The following OPRM1 variants were observed in gnomAD, a reference collection of about 807,000 sequenced individuals.
OPRM1 encodes mu-type opioid receptor.
A neutral mutation model predicts 31.8 loss-of-function variants in OPRM1; 27 were observed. The observed-to-expected ratio is 0.85, with a 90% CI of 0.63 to 1.17. The LOEUF is 1.17. Among genes scored for constraint, OPRM1 ranks in the 50% most tolerant of loss-of-function variants. OPRM1 has a pLI of 0.00. For synonymous variants in OPRM1, 196 were observed against 189.9 expected, an observed-to-expected ratio of 1.03 and a Z score of -0.26; for missense variants, 536 against 511.1, an observed-to-expected ratio of 1.05 and a Z score of -0.47.
At chr6:154,038,570 C>G (rs538623289), upstream of OPRM1, among the ~76,000 whole-genome samples, 1 of 152,080 alleles carries the variant, frequency 6.6e-6, no homozygotes, top group Non-Finnish European at 1.5e-5. Context: ...ATATGTCTAT[C>G]GAGGAAGTCT....
chr6:154,087,645 T>A (rs552328369), intron 1 of OPRM1: 6 of 959,518 alleles, frequency 6.3e-6, no homozygotes, highest in African/African-American at 3.5e-5. Flanking sequence ...TCACTGGCTC[T>A]GGTTGGAACA....
At chr6:154,235,022 T>A in intron 3 of OPRM1, among the ~76,000 whole-genome samples, 1 of 152,004 alleles carries the variant, frequency 6.6e-6, no homozygotes, top group Non-Finnish European at 1.5e-5. Context: ...ACCAGCATAG[T>A]CAAAAAAAGA....
intron 1 of OPRM1, among the ~76,000 whole-genome samples, chr6:154,054,835 A>G (rs920528188): frequency 1.3e-5 from 2 of 152,182 alleles, no homozygotes; most frequent in African/African-American, 4.8e-5. Flanking sequence ...GCCTGTATCA[A>G]AACATCTCAT....
At chr6:154,114,439 AAAAAG>A (rs1181303588) in intron 3 of OPRM1, among the ~76,000 whole-genome samples, 2 of 152,030 alleles carry the variant, frequency 1.3e-5, no homozygotes, top group African/African-American at 4.8e-5. Context: ...TGCAGAAAAA[AAAAAG>A]AGAGAAAGAG....
rs200260230 is a variant in OPRM1 at position 154,091,453 on chromosome 6, T to A, written c.1145T>A (p.Val382Glu). Residue 382 changes from valine (V) to glutamate (E), a missense_variant, in exon 3 of 4, where the codon GTG becomes GAG. By Grantham distance (121) the Val-to-Glu change is moderately radical (BLOSUM62 -2). Transcript: ENST00000330432. ...TRDHPSTANT[V>E]DRTNHQLENL... ...GACCACCCCTCCACGGCCAATACAGTGGATAGAACTAATCATCAGGTACGC... is the reference window on the plus strand; with the variant it reads ...GACCACCCCTCCACGGCCAATACAGAGGATAGAACTAATCATCAGGTACGC... The A allele has an allele frequency of 4.3e-6, 7 of 1,612,404 alleles. No homozygotes were observed. The highest frequency in any genetic ancestry group is 5.9e-6 in the Non-Finnish European group (7 of 1,179,940).
intron 3 of OPRM1, among the ~76,000 whole-genome samples, chr6:154,239,173 A>G (rs1295782025): frequency 6.6e-6 from 1 of 152,196 alleles, no homozygotes; most frequent in African/African-American, 2.4e-5. Context: ...AATTTTGAAA[A>G]GTTTGGAAAG....
chr6:154,205,738 C>T (rs943603303), intron 3 of OPRM1, among the ~76,000 whole-genome samples: 8 of 152,198 alleles, frequency 5.3e-5, no homozygotes, highest in Non-Finnish European at 1.5e-5. Flanking sequence ...AATGAATAAA[C>T]TGCAATTAGG....
intron 3 of OPRM1, chr6:154,214,242 G>T (rs1014816111): frequency 5.0e-6 from 8 of 1,610,742 alleles, no homozygotes; most frequent in Non-Finnish European, 6.8e-6. Context: ...GTGGATTCCT[G>T]ATGGATTACA....
chr6:154,183,891 AAAAC>A (rs1417161659), intron 3 of OPRM1, among the ~76,000 whole-genome samples: 1 of 152,172 alleles, frequency 6.6e-6, no homozygotes, highest in Non-Finnish European at 1.5e-5. Flanking sequence ...CCCTGTATCA[AAAAC>A]AAACAAACAA....
At chr6:154,038,586 T>TA (rs1482177050), upstream of OPRM1, among the ~76,000 whole-genome samples, 1 of 152,300 alleles carries the variant, frequency 6.6e-6, no homozygotes, top group South Asian at 2.1e-4. Context: ...AGTCTTCAGA[T>TA]AAAAAAGATA....
chr6:154,189,344 T>C (rs1327755851), intron 3 of OPRM1, among the ~76,000 whole-genome samples: 3 of 152,228 alleles, frequency 2.0e-5, no homozygotes, highest in Non-Finnish European at 2.9e-5. Flanking sequence ...AAGTTGAAGA[T>C]AGGCATACAT....
At chr6:154,082,993 C>A (rs1320078369) in intron 1 of OPRM1, among the ~76,000 whole-genome samples, 2 of 152,018 alleles carry the variant, frequency 1.3e-5, no homozygotes, top group Admixed American at 1.3e-4. Context: ...ATCAGAGAAG[C>A]AAAACATGTC....
At chr6:154,229,510 C>T (rs1307993756) in intron 3 of OPRM1, among the ~76,000 whole-genome samples, 3 of 151,006 alleles carry the variant, frequency 2.0e-5, no homozygotes, top group South Asian at 2.1e-4. Flanking sequence ...CCACCACACC[C>T]GGCTCATTTT....
intron 3 of OPRM1, among the ~76,000 whole-genome samples, chr6:154,169,196 A>G (rs1799675673): frequency 6.6e-6 from 1 of 152,018 alleles, no homozygotes. Flanking sequence ...CCCGTTGTCT[A>G]CTAAAATACA....
At chr6:154,053,322 C>T (rs1438235911) in intron 1 of OPRM1, among the ~76,000 whole-genome samples, 1 of 152,216 alleles carries the variant, frequency 6.6e-6, no homozygotes, top group African/African-American at 2.4e-5. Context: ...ATACCTATGC[C>T]TGCACACCTG....
intron 1 of OPRM1, among the ~76,000 whole-genome samples, chr6:154,066,968 C>T (rs1305085830): frequency 6.6e-6 from 1 of 152,066 alleles, no homozygotes; most frequent in Non-Finnish European, 1.5e-5. Context: ...ATAATTTGTC[C>T]ATAGAACTCT....
rs201429844 is a variant in OPRM1 at position 154,091,321 on chromosome 6, A to G, written c.1013A>G (p.Tyr338Cys). 21 of 1,614,084 alleles carry G rather than the reference A, an allele frequency of 1.3e-5. No homozygotes were observed. The highest frequency in any genetic ancestry group is 1.7e-5 in the Non-Finnish European group (20 of 1,180,038). ...YTNSCLNPVL[Y>C]AFLDENFKRC... The stretch of plus-strand genomic sequence containing the variant: ...AACAGCTGCCTCAACCCAGTCCTTT[A>G]TGCATTTCTGGATGAAAACTTCAAA... Residue 338 changes from tyrosine (Y) to cysteine (C), a missense_variant, in exon 3 of 4, where the codon TAT (tyrosine) becomes TGT (cysteine). Transcript: ENST00000330432.
intron 1 of OPRM1, among the ~76,000 whole-genome samples, chr6:154,030,835 G>A (rs973183714): frequency 1.4e-4 from 22 of 152,120 alleles, no homozygotes; most frequent in Admixed American, 1.3e-3. Flanking sequence ...AGCTGAAAAG[G>A]ATCGAGAGTG....
At chr6:154,014,418 G>T (rs891717464) in intron 1 of OPRM1, among the ~76,000 whole-genome samples, 7 of 152,114 alleles carry the variant, frequency 4.6e-5, no homozygotes, top group African/African-American at 1.7e-4. Flanking sequence ...CAGGCTGCTG[G>T]TTGTCATTAA....
Sources: allele counts gnomAD v4.1 joint callset (sites outside exome capture counted in the v4.1 genomes callset), GRCh38; gene constraint gnomAD v4.1.1; transcripts MANE v1.5; gene names NCBI Gene and HGNC (gene_info 2026-07-23, HGNC 2026-07-21).